The following IPO5 variants were observed in gnomAD, a reference collection of about 807,000 sequenced individuals.
IPO5 encodes importin-5.
A neutral mutation model predicts 143.3 loss-of-function variants in IPO5; 18 were observed. The ratio of observed to expected loss-of-function variants is 0.13; its 90% CI spans 0.09 to 0.19. The LOEUF is 0.19. Among genes scored for constraint, IPO5 ranks in the 10% least tolerant of loss-of-function variants. The pLI, the probability that IPO5 is intolerant of heterozygous loss-of-function variation, is 1.00. For synonymous variants in IPO5, 477 were observed against 465.7 expected (o/e 1.02, Z -0.31); for missense variants, 1,013 against 1,336.9 (o/e 0.76, Z 3.78).
intron 20 of IPO5, among the ~76,000 whole-genome samples, chr13:98,010,435 A>G (rs966932121): frequency 1.3e-5 from 2 of 152,192 alleles, no homozygotes; most frequent in African/African-American, 2.4e-5. Context: ...AAATAGCCCA[A>G]ATTCCTGTTA....
At chr13:97,998,732 AAGGG>A (rs1888509234) in intron 12 of IPO5, among the ~76,000 whole-genome samples, 1 of 152,208 alleles carries the variant, frequency 6.6e-6, no homozygotes, top group Admixed American at 6.5e-5. Context: ...CAGTTGCAGA[AAGGG>A]AGATTGAAGA....
rs989367486 is a variant in IPO5, at chr13:98,024,041, A to G, written c.*2219A>G. On this transcript the variant is annotated 3_prime_UTR_variant, in exon 29 of 29. Transcript: ENST00000651721. ...GTGATATATATTGTTTATAAATGCA[A>G]GCTATTTCTGGAGGGGAAAAATGTG... is the stretch of plus-strand genomic sequence containing the variant. 4.5e-4 allele frequency: 69 copies of G among 152,218 alleles called. 2 individuals are homozygous for G. Among genetic ancestry groups the G allele is most frequent in the Non-Finnish European group, 2.9e-5 (2 of 68,040 alleles). 9.4% of individuals were successfully genotyped at this position (152,218 alleles called of 1,614,324 possible). A position where few individuals can be genotyped will look rare whatever the true frequency, so the allele number is the denominator to read the frequency against.
chr13:98,021,614 ATC>A (rs1220398817), intron 28 of IPO5, 120 bp from the exon 29 acceptor site: 2 of 480,376 alleles, frequency 4.2e-6, no homozygotes, highest in African/African-American at 3.8e-5. Flanking sequence ...AATGATACTC[ATC>A]AAAATAATGT....
In IPO5 at chr13:98,023,659, G is replaced by C. The variant is rs1319702127; in HGVS notation, c.*1837G>C. 1 of 152,138 alleles carries C rather than the reference G, an allele frequency of 6.6e-6. No individual in the cohort carries two copies. The highest frequency in any genetic ancestry group is 1.5e-5 in the Non-Finnish European group (1 of 68,032). 9.4% of individuals were successfully genotyped at this position (152,138 alleles called of 1,614,324 possible). A position where few individuals can be genotyped will look rare whatever the true frequency, so the allele number is the denominator to read the frequency against. On this transcript the variant is annotated 3_prime_UTR_variant, in exon 29 of 29. Transcript: ENST00000651721. The stretch of plus-strand genomic sequence containing the variant: ...CTACCTTCCAGTTTAAACACTAGTG[G>C]TATTGTCAGATGCCGTTAGTATCTG...
In IPO5 at chr13:97,963,248, C is replaced by G. The variant is rs192919058; in HGVS notation, c.-112-6475C>G. The G allele has an allele frequency of 7.2e-5, 11 of 152,294 alleles. No homozygotes were observed. The South Asian group carries it at 1.9e-3, about 26-fold the overall frequency. 9.4% of individuals were successfully genotyped at this position (152,294 alleles called of 1,614,324 possible). On this transcript the variant is annotated intron_variant, in intron 2 of 28. Transcript: ENST00000651721. ...AAGTGAAACATAAAACTAACCATCACAGTATCCTTGTCAAAAATCAGTCTG... is the reference window on the plus strand; with the variant it reads ...AAGTGAAACATAAAACTAACCATCAGAGTATCCTTGTCAAAAATCAGTCTG...
chr13:97,988,276 A>G (rs1412208639), intron 6 of IPO5, among the ~76,000 whole-genome samples: 4 of 152,228 alleles, frequency 2.6e-5, no homozygotes, highest in Admixed American at 2.6e-4. Context: ...ACCAAACTGC[A>G]AAGTGTGAGC....
chr13:98,006,489 C>T (rs1445730661), intron 17 of IPO5, 141 bp downstream of exon 17: 3 of 561,312 alleles, frequency 5.3e-6, no homozygotes, highest in South Asian at 2.3e-5. Flanking sequence ...ATTCTCCTGC[C>T]TCAGCCTCCC....
In IPO5 at chr13:97,979,555, A is replaced by C. The variant is rs550334724; in HGVS notation, c.90+2769A>C. Among the ~76,000 whole-genome samples the C allele has an allele frequency of 6.6e-5, 10 of 152,360 alleles. No homozygotes were observed. In the South Asian group the frequency reaches 2.1e-3, roughly 32 times the overall value. On this transcript the variant is annotated intron_variant, in intron 4 of 28. Coordinates refer to ENST00000651721, the MANE Select transcript of IPO5 (RefSeq NM_002271.6). ...GAATAAATAGTTGACAAGTAGTGCA[A>C]AGTACAGTATTCATGGTATTTATCA...
At chr13:98,003,274 A>T (rs1391709065) in intron 16 of IPO5, among the ~76,000 whole-genome samples, 1 of 152,250 alleles carries the variant, frequency 6.6e-6, no homozygotes, top group Non-Finnish European at 1.5e-5. Flanking sequence ...AAATCAGTGT[A>T]TATGGATCAC....
chr13:97,956,790 C>CTT (rs1345800082), intron 2 of IPO5, among the ~76,000 whole-genome samples: 2 of 152,188 alleles, frequency 1.3e-5, no homozygotes, highest in African/African-American at 4.8e-5. Flanking sequence ...TCTCTGCAAA[C>CTT]TGAGTCCAAC....
At position 98,012,909 on chromosome 13, in the gene IPO5, G is replaced by T. The variant is rs1889836172; in HGVS notation, c.2152+567G>T. 3.4e-5 allele frequency among the ~76,000 whole-genome samples: 5 copies of T among 149,086 alleles called. No homozygotes were observed. In the South Asian group the frequency reaches 1.1e-3, roughly 32 times the overall value. On this transcript the variant is annotated intron_variant, in intron 21 of 28. Transcript: ENST00000651721. ...AGTCCTCCTGCCTTGGCCCCACAAA[G>T]TTATGGGATTACACACCTGAGCACT...
intron 2 of IPO5, among the ~76,000 whole-genome samples, chr13:97,968,113 G>A (rs1288786714): frequency 1.3e-5 from 2 of 152,114 alleles, no homozygotes; most frequent in South Asian, 2.1e-4. Flanking sequence ...ATGAGGCACC[G>A]TGCCAAGCCA....
intron 12 of IPO5, among the ~76,000 whole-genome samples, chr13:97,999,849 C>T (rs1888612754): frequency 6.6e-6 from 1 of 152,146 alleles, no homozygotes; most frequent in Non-Finnish European, 1.5e-5. Context: ...ATGTTCTGTT[C>T]ATTGATAGGT....
intron 3 of IPO5, among the ~76,000 whole-genome samples, chr13:97,970,612 C>T (rs1375564822): frequency 6.6e-6 from 1 of 151,972 alleles, no homozygotes; most frequent in Non-Finnish European, 1.5e-5. Flanking sequence ...CAGAGTGGGA[C>T]TCCGTCGCAA....
At chr13:97,967,681 G>C (rs1479797626) in intron 2 of IPO5, among the ~76,000 whole-genome samples, 1 of 152,112 alleles carries the variant, frequency 6.6e-6, no homozygotes, top group South Asian at 2.1e-4. Context: ...GCCCAGGCTG[G>C]AGTGCAGTGG....
chr13:97,989,154 C>T lies in IPO5; in HGVS notation c.457C>T (p.His153Tyr), dbSNP rs2139683431. ...TGTGGGACTGCGGGAAGCTGCCCTT[C>T]ACATTTTCTGGTATATACATTAATC... ...QNVGLREAAL[H>Y]IFWNFPGIFG... The change falls in exon 7 of 29, where the codon CAC (histidine) becomes TAC (tyrosine). Residue 153 changes from histidine (H) to tyrosine (Y), a missense_variant. Coordinates refer to ENST00000651721, the MANE Select transcript of IPO5 (RefSeq NM_002271.6). 1.2e-6 allele frequency: 2 copies of T among 1,600,848 alleles called. No homozygotes were observed. Among genetic ancestry groups the T allele is most frequent in the East Asian group, 4.5e-5 (2 of 44,788 alleles).
At chr13:98,015,873 T>A in intron 24 of IPO5, 92 bp downstream of exon 24, 3 of 770,116 alleles carry the variant, frequency 3.9e-6, no homozygotes, top group Non-Finnish European at 6.6e-6. Flanking sequence ...GACTTGTCAT[T>A]CTGATGTAAT....
intron 16 of IPO5, among the ~76,000 whole-genome samples, chr13:98,004,096 A>G (rs1889018472): frequency 6.6e-6 from 1 of 152,246 alleles, no homozygotes; most frequent in Non-Finnish European, 1.5e-5. Context: ...TTATTGTCAA[A>G]TGCAATGAAA....
At chr13:97,999,459 A>G (rs928592188) in intron 12 of IPO5, among the ~76,000 whole-genome samples, 5 of 152,192 alleles carry the variant, frequency 3.3e-5, no homozygotes. Flanking sequence ...ACTTAAATTT[A>G]TACAGTTTAA....
Sources: allele counts gnomAD v4.1 joint callset (sites outside exome capture counted in the v4.1 genomes callset), GRCh38; gene constraint gnomAD v4.1.1; transcripts MANE v1.5; gene names NCBI Gene and HGNC (gene_info 2026-07-23, HGNC 2026-07-21).